PREX2: variants seen among roughly 807,000 people sequenced by gnomAD.
PREX2 encodes the protein phosphatidylinositol-3,4,5-trisphosphate dependent Rac exchange factor 2, also known as phosphatidylinositol 3,4,5-trisphosphate-dependent Rac exchanger 2 protein.
PREX2 carries 107 observed loss-of-function variants against 203.2 expected under a neutral mutation model. That is an observed-to-expected ratio of 0.53 (90% CI 0.45 to 0.62). PREX2 has a LOEUF of 0.62. PREX2 is among the 20% of genes least tolerant of loss of function. PREX2 has a pLI of 0.00. For missense variants in PREX2, 1,777 were observed against 1,955.9 expected (o/e 0.91, Z 1.72); for synonymous variants, 672 against 663.6 (o/e 1.01, Z -0.19).
chr8:68,009,022 A>G (rs1807185071), intron 1 of PREX2, among the ~76,000 whole-genome samples: 2 of 152,216 alleles, frequency 1.3e-5, no homozygotes, highest in Admixed American at 6.5e-5. Context: ...TAAATATGAA[A>G]CCAATTTATA....
At position 68,182,066 on chromosome 8, in the gene PREX2, T is replaced by A. The variant is rs73263348; in HGVS notation, c.4347-9656T>A. Among the ~76,000 whole-genome samples the A allele has an allele frequency of 3.8e-3, 584 of 152,176 alleles. 3 individuals are homozygous for A. Among genetic ancestry groups the A allele is most frequent in the African/African-American group, 0.013 (528 of 41,538 alleles). On this transcript the variant is annotated intron_variant, in intron 35 of 39. Coordinates refer to ENST00000288368, the MANE Select transcript of PREX2 (RefSeq NM_024870.4). ...GATGTGGAAGATGAGTCTGGAAGAA[T>A]GAATAATAATAATAAGCAATGTTGA...
At chr8:68,004,461 C>T (rs981243353) in intron 1 of PREX2, among the ~76,000 whole-genome samples, 2 of 152,116 alleles carry the variant, frequency 1.3e-5, no homozygotes, top group Non-Finnish European at 2.9e-5. Context: ...TTCTTGTGTG[C>T]TTTCATTTAC....
chr8:68,067,647 T>C (rs1300633737), intron 11 of PREX2, among the ~76,000 whole-genome samples: 13 of 152,090 alleles, frequency 8.5e-5, no homozygotes, highest in Admixed American at 8.5e-4. Flanking sequence ...GTTTTCTATA[T>C]ATAAGTTCAT....
intron 34 of PREX2, among the ~76,000 whole-genome samples, chr8:68,147,080 T>TA (rs1176124022): frequency 1.3e-5 from 2 of 151,848 alleles, no homozygotes; most frequent in Non-Finnish European, 2.9e-5. Flanking sequence ...CTCCACATTC[T>TA]AAAAAAAATG....
chr8:68,069,192 G>A (rs1351345310), intron 12 of PREX2, 56 bp downstream of exon 12: 1 of 840,810 alleles, frequency 1.2e-6, no homozygotes, highest in African/African-American at 1.8e-5. Flanking sequence ...TCATTCTTCA[G>A]AAGATAAAAG....
At chr8:67,955,424 C>G (rs891270862) in intron 1 of PREX2, among the ~76,000 whole-genome samples, 1 of 152,198 alleles carries the variant, frequency 6.6e-6, no homozygotes, top group Admixed American at 6.5e-5. Flanking sequence ...CTACTCTTTC[C>G]ATGGTGGGCT....
intron 34 of PREX2, among the ~76,000 whole-genome samples, chr8:68,156,317 G>T (rs1458652818): frequency 2.0e-5 from 3 of 152,132 alleles, no homozygotes; most frequent in Admixed American, 6.5e-5. Context: ...CACCAGCCTT[G>T]GCTCTCAAAG....
chr8:68,115,868 A>G lies in PREX2; in HGVS notation c.3262A>G (p.Asn1088Asp). 1 of 1,614,068 alleles carries G rather than the reference A, an allele frequency of 6.2e-7. No individual in the cohort carries two copies. Among genetic ancestry groups the G allele is most frequent in the Non-Finnish European group, 8.5e-7 (1 of 1,179,950 alleles). The change falls in exon 26 of 40, where the codon AAT becomes GAT. Residue 1088 changes from asparagine to aspartate, a missense_variant. By Grantham distance (23) the Asn-to-Asp change is conservative. Transcript: ENST00000288368. ...GERNSKRVCF[N>D]VAGDEQEDSG... ...AAGAAACAGCAAACGGGTATGTTTT[A>G]ATGTAGCAGGAGATGAACAGGAAGA...
chr8:68,103,720 G>A (rs768743368), intron 23 of PREX2: 5 of 519,554 alleles, frequency 9.6e-6, no homozygotes, highest in South Asian at 7.0e-5. Context: ...GGGATCTGAT[G>A]CAGTTGACCG....
rs1320657588 is a variant in PREX2 at position 68,212,792 on chromosome 8, C to T, written c.4605-4824C>T. Among the ~76,000 whole-genome samples the T allele has an allele frequency of 3.9e-5, 6 of 152,264 alleles. No homozygotes were observed. The East Asian group carries it at 7.7e-4, about 20-fold the overall frequency. On this transcript the variant is annotated intron_variant, in intron 37 of 39. Transcript: ENST00000288368. Reference sequence around the variant, plus strand: ...ATTATTAAGAGTTTATCAAAGCTTTCCAACATCAAAATGAGTTATTACTAA... The same window carrying T: ...ATTATTAAGAGTTTATCAAAGCTTTTCAACATCAAAATGAGTTATTACTAA...
intron 18 of PREX2, among the ~76,000 whole-genome samples, chr8:68,085,603 A>G (rs368355182): frequency 1.3e-5 from 2 of 152,134 alleles, no homozygotes; most frequent in Non-Finnish European, 2.9e-5. Flanking sequence ...TAGTACACTT[A>G]TTTTCTGTAG....
chr8:68,058,918 C>T (rs1434778), intron 10 of PREX2, among the ~76,000 whole-genome samples: 44,989 of 151,856 alleles, frequency 0.3, 6,791 homozygotes, highest in Admixed American at 0.32. Flanking sequence ...TATTTTTCTT[C>T]TGAATTTGTT....
At chr8:68,077,826 T>C (rs1361930768) in intron 15 of PREX2, among the ~76,000 whole-genome samples, 1 of 152,224 alleles carries the variant, frequency 6.6e-6, no homozygotes, top group East Asian at 1.9e-4. Flanking sequence ...TTATTTTGAA[T>C]GCCAGTATAT....
intron 33 of PREX2, among the ~76,000 whole-genome samples, chr8:68,145,752 T>C (rs1811312550): frequency 6.6e-6 from 1 of 152,136 alleles, no homozygotes; most frequent in African/African-American, 2.4e-5. Context: ...ATATTTCCGA[T>C]CTGGTGCTCA....
chr8:68,020,295 T>TAATGAA (rs1365742824), intron 3 of PREX2, among the ~76,000 whole-genome samples: 1 of 118,788 alleles, frequency 8.4e-6, no homozygotes, highest in Non-Finnish European at 1.8e-5. Flanking sequence ...GACAACTGTG[T>TAATGAA]AATGAAAATT....
At chr8:68,034,094 C>T (rs898775143) in intron 6 of PREX2, among the ~76,000 whole-genome samples, 10 of 152,048 alleles carry the variant, frequency 6.6e-5, no homozygotes, top group African/African-American at 1.2e-4. Flanking sequence ...AGTTGATTAT[C>T]GAAATTAGGT....
At chr8:68,178,270 G>T (rs1812020823) in intron 35 of PREX2, among the ~76,000 whole-genome samples, 1 of 151,980 alleles carries the variant, frequency 6.6e-6, no homozygotes, top group Non-Finnish European at 1.5e-5. Flanking sequence ...CTTTTTCTCT[G>T]CAACCTCGTC....
At chr8:68,212,080 A>G (rs146564712) in intron 37 of PREX2, among the ~76,000 whole-genome samples, 187 of 152,292 alleles carry the variant, frequency 1.2e-3, no homozygotes, top group Non-Finnish European at 2.2e-3. Flanking sequence ...AAGGCTCTGC[A>G]TGTTTGAGCC....
At chr8:68,131,267 T>C (rs1232205983) in intron 31 of PREX2, among the ~76,000 whole-genome samples, 1 of 152,230 alleles carries the variant, frequency 6.6e-6, no homozygotes, top group Non-Finnish European at 1.5e-5. Context: ...TTTTCTAACT[T>C]TGTTATTCAC....
Sources: gnomAD v4.1 joint callset for allele counts (sites outside exome capture counted in the v4.1 genomes callset) on GRCh38, gnomAD v4.1.1 for gene constraint, MANE v1.5 for transcripts, NCBI Gene and HGNC (gene_info 2026-07-23, HGNC 2026-07-21) for gene names.